Variants in MTA3 observed in about 807,000 individuals in gnomAD.
The protein encoded by MTA3 is metastasis-associated protein MTA3.
MTA3 carries 34 observed loss-of-function variants against 83.5 expected under a neutral mutation model. The ratio of observed to expected loss-of-function variants is 0.41; its 90% CI spans 0.31 to 0.54. The LOEUF is 0.54. Among genes scored for constraint, MTA3 ranks in the 20% least tolerant of loss-of-function variants. MTA3 has a pLI of 0.33. For synonymous variants in MTA3, 303 were observed against 252.7 expected (o/e 1.20, Z -1.89); for missense variants, 761 against 726.4 (o/e 1.05, Z -0.55).
At chr2:42,564,444 T>G (rs1409188924), upstream of MTA3, among the ~76,000 whole-genome samples, 1 of 152,222 alleles carries the variant, frequency 6.6e-6, no homozygotes, top group Non-Finnish European at 1.5e-5. Flanking sequence ...CTCCCAATTC[T>G]GTTTCCTTTC....
chr2:42,660,629 G>C (rs934333509), intron 8 of MTA3, among the ~76,000 whole-genome samples: 2 of 152,142 alleles, frequency 1.3e-5, no homozygotes, highest in Non-Finnish European at 2.9e-5. Context: ...TACCCCTTGT[G>C]ATAGGCACGG....
rs1035583574 is a variant in MTA3 at position 42,754,963 on chromosome 2, G to C, written c.*1564G>C. The C allele has an allele frequency of 5.1e-6, 5 of 985,376 alleles. No homozygotes were observed. The highest frequency in any genetic ancestry group is 6.0e-6 in the Non-Finnish European group (5 of 830,046). The allele number at this position is 985,376 out of a possible 1,614,324, so 61.0% of individuals were successfully genotyped here. ...TTAGGCTTCTGCAAGGGCGAGCATG[G>C]GATGTCTCCACCACCACCCACTCTT... On this transcript the variant is annotated 3_prime_UTR_variant, in exon 17 of 17. Coordinates refer to ENST00000405094, the MANE Select transcript of MTA3 (RefSeq NM_001330442.2).
At chr2:42,700,350 G>C (rs969220799) in intron 11 of MTA3, among the ~76,000 whole-genome samples, 1 of 152,216 alleles carries the variant, frequency 6.6e-6, no homozygotes, top group South Asian at 2.1e-4. Context: ...TCAATCATTT[G>C]TCCCCTGGGA....
chr2:42,553,534 G>C (rs1168859503), intron 2 of MTA3, among the ~76,000 whole-genome samples: 1 of 151,272 alleles, frequency 6.6e-6, no homozygotes, highest in Admixed American at 6.6e-5. Flanking sequence ...TCAGGAGTTC[G>C]AAACCAGCCT....
chr2:42,540,959 G>T (rs985367534), intron 2 of MTA3, among the ~76,000 whole-genome samples: 26 of 151,956 alleles, frequency 1.7e-4, no homozygotes, highest in African/African-American at 6.0e-4. Flanking sequence ...GACTTATGAT[G>T]GTTCAACTTA....
intron 16 of MTA3, among the ~76,000 whole-genome samples, chr2:42,745,598 C>A (rs751769400): frequency 3.3e-5 from 5 of 152,086 alleles, no homozygotes; most frequent in African/African-American, 4.8e-5. Context: ...GTTGCTCAAG[C>A]TGGTCTCGAT....
At chr2:42,495,463 A>G (rs896180038) in intron 2 of MTA3, among the ~76,000 whole-genome samples, 1 of 152,212 alleles carries the variant, frequency 6.6e-6, no homozygotes, top group African/African-American at 2.4e-5. Flanking sequence ...TCTACTGGGT[A>G]GATACTGCTA....
At chr2:42,573,301 C>T (rs1386068346) in intron 2 of MTA3, among the ~76,000 whole-genome samples, 1 of 152,106 alleles carries the variant, frequency 6.6e-6, no homozygotes, top group African/African-American at 2.4e-5. Context: ...GCCTTGAGAC[C>T]TTGGTTTGTT....
chr2:42,500,268 G>A (rs1207636634), intron 2 of MTA3, among the ~76,000 whole-genome samples: 1 of 152,082 alleles, frequency 6.6e-6, no homozygotes, highest in East Asian at 1.9e-4. Context: ...ACGTGGTGGT[G>A]GGCGCCTGTA....
At chr2:42,536,586 G>C (rs369568790) in intron 2 of MTA3, among the ~76,000 whole-genome samples, 2 of 152,100 alleles carry the variant, frequency 1.3e-5, no homozygotes, top group African/African-American at 4.8e-5. Flanking sequence ...GAGGCTGGGC[G>C]TGGTGGCTCA....
At chr2:42,575,346 T>C (rs754705201) in intron 2 of MTA3, among the ~76,000 whole-genome samples, 5 of 152,354 alleles carry the variant, frequency 3.3e-5, no homozygotes, top group Non-Finnish European at 7.3e-5. Flanking sequence ...TGTCCAGTTA[T>C]GCATTCTGAG....
At chr2:42,714,920 G>GCATTA (rs1666920058) in intron 14 of MTA3, among the ~76,000 whole-genome samples, 1 of 152,164 alleles carries the variant, frequency 6.6e-6, no homozygotes, top group Non-Finnish European at 1.5e-5. Flanking sequence ...CTGCTGTCCG[G>GCATTA]CCCAGTTCCT....
At chr2:42,605,638 G>A (rs1423707188) in intron 3 of MTA3, among the ~76,000 whole-genome samples, 36 of 89,032 alleles carry the variant, frequency 4.0e-4, no homozygotes, top group South Asian at 9.4e-4. Flanking sequence ...CCTCCCTCCC[G>A]GACGGGGCGG....
At chr2:42,594,728 A>ATATATATATATATTTTT in intron 3 of MTA3, among the ~76,000 whole-genome samples, 29 of 24,018 alleles carry the variant, frequency 1.2e-3, no homozygotes, top group Non-Finnish European at 1.5e-3. Context: ...ATATATATAT[A>ATATATATATATATTTTT]TTTTTTTTTT....
At chr2:42,564,777 TTTTAA>T (rs548532047), upstream of MTA3, among the ~76,000 whole-genome samples, 82 of 152,214 alleles carry the variant, frequency 5.4e-4, no homozygotes, top group African/African-American at 1.8e-3. Context: ...CACCAATCTC[TTTTAA>T]TTTATTTTTT....
At chr2:42,567,680 G>A (rs1374354183), upstream of MTA3, among the ~76,000 whole-genome samples, 2 of 151,976 alleles carry the variant, frequency 1.3e-5, no homozygotes, top group Non-Finnish European at 2.9e-5. Flanking sequence ...GAGTAGGAAG[G>A]CCGTGAAAAC....
intron 8 of MTA3, among the ~76,000 whole-genome samples, chr2:42,673,227 G>GA (rs1315945384): frequency 6.6e-6 from 1 of 151,568 alleles, no homozygotes; most frequent in Non-Finnish European, 1.5e-5. Context: ...CCTCTGCTTG[G>GA]AAAAAAAGAA....
Position 42,702,254 on chromosome 2 carries a change from G to C in MTA3, c.1026-1940G>C, listed in dbSNP as rs1454227591. 5.3e-5 allele frequency: 8 copies of C among 152,314 alleles called. No individual in the cohort carries two copies. In the East Asian group the frequency reaches 1.5e-3, roughly 29 times the overall value. The allele number at this position is 152,314 out of a possible 1,614,324, so 9.4% of individuals were successfully genotyped here. On this transcript the variant is annotated intron_variant, in intron 11 of 16. Transcript: ENST00000405094. ...ATAAAATAAAAATAAAAACCAATTTGTCCTTAACATACATTGCTGACACAG... is the reference window on the plus strand; with the variant it reads ...ATAAAATAAAAATAAAAACCAATTTCTCCTTAACATACATTGCTGACACAG...
intron 8 of MTA3, among the ~76,000 whole-genome samples, chr2:42,672,065 C>T (rs2104409062): frequency 6.6e-6 from 1 of 152,308 alleles, no homozygotes; most frequent in South Asian, 2.1e-4. Flanking sequence ...CAGTTGTTTT[C>T]ACATATTTGT....
Sources: allele counts gnomAD v4.1 joint callset (sites outside exome capture counted in the v4.1 genomes callset), GRCh38; gene constraint gnomAD v4.1.1; transcripts MANE v1.5; gene names NCBI Gene and HGNC (gene_info 2026-07-23, HGNC 2026-07-21).